Variants in MTAP observed in about 807,000 individuals in gnomAD.
MTAP encodes methylthioadenosine phosphorylase.
In MTAP, 33 loss-of-function variants were observed where a neutral mutation model predicts 33.6. That is an observed-to-expected ratio of 0.98 (90% CI 0.74 to 1.31). The LOEUF is 1.31. Among genes scored for constraint, MTAP ranks in the 40% most tolerant of loss-of-function variants. MTAP has a pLI of 0.00. For synonymous variants in MTAP, 148 were observed against 125.7 expected (o/e 1.18, Z -1.19); for missense variants, 367 against 360.0 (o/e 1.02, Z -0.16).
At chr9:21,829,427 T>C (rs1433446136) in intron 4 of MTAP, among the ~76,000 whole-genome samples, 1 of 148,848 alleles carries the variant, frequency 6.7e-6, no homozygotes, top group East Asian at 2.2e-4. Flanking sequence ...GTTTTTTTTT[T>C]TTGTTTGTTT....
At chr9:21,842,026 A>G (rs376869842) in intron 5 of MTAP, among the ~76,000 whole-genome samples, 53 of 152,338 alleles carry the variant, frequency 3.5e-4, no homozygotes, top group African/African-American at 1.2e-3. Context: ...AGAAATTTTA[A>G]AAAACAATAC....
chr9:21,802,799 A>G lies in MTAP; in HGVS notation c.33+18A>G. Reference sequence around the variant, plus strand: ...CCGTGAAGGTGAGATGAGCCCTCCCAGCCGCAGCGGTTCGCCCTGCCGGAT... The same window carrying G: ...CCGTGAAGGTGAGATGAGCCCTCCCGGCCGCAGCGGTTCGCCCTGCCGGAT... On this transcript the variant is annotated intron_variant, in intron 1 of 7. Transcript: ENST00000644715. 6.2e-7 allele frequency: 1 copy of G among 1,612,626 alleles called. No homozygotes were observed. The highest frequency in any genetic ancestry group is 8.5e-7 in the Non-Finnish European group (1 of 1,179,638).
At chr9:21,856,277 G>A in intron 6 of MTAP, 1 of 628,014 alleles carries the variant, frequency 1.6e-6, no homozygotes, top group Middle Eastern at 8.0e-4. Context: ...TAGAGAGTTT[G>A]TTTTACTATC....
At chr9:21,848,869 C>T (rs1825442976) in intron 5 of MTAP, among the ~76,000 whole-genome samples, 1 of 152,066 alleles carries the variant, frequency 6.6e-6, no homozygotes, top group South Asian at 2.1e-4. Context: ...GGGGCCATGG[C>T]GGCACTCAGC....
At chr9:21,909,858 G>A (rs1818541382) in intron 1 of MTAP, among the ~76,000 whole-genome samples, 1 of 152,198 alleles carries the variant, frequency 6.6e-6, no homozygotes, top group African/African-American at 2.4e-5. Flanking sequence ...TAAAGCTCGG[G>A]ATGTTATGTA....
At chr9:21,852,491 CAG>C (rs1328271189) in intron 5 of MTAP, among the ~76,000 whole-genome samples, 1 of 132,614 alleles carries the variant, frequency 7.5e-6, no homozygotes, top group East Asian at 2.2e-4. Flanking sequence ...GCGTGGGCGA[CAG>C]AGTGAGACTC....
chr9:21,887,285 C>T (rs1818127507), intron 1 of MTAP, among the ~76,000 whole-genome samples: 5 of 151,880 alleles, frequency 3.3e-5, no homozygotes, highest in Non-Finnish European at 1.5e-5. Context: ...TAATAGGCCC[C>T]GATGTGTGAT....
chr9:21,868,432 A>G (rs771051716), downstream of MTAP, among the ~76,000 whole-genome samples: 1 of 152,154 alleles, frequency 6.6e-6, no homozygotes, highest in Non-Finnish European at 1.5e-5. Flanking sequence ...ATATCTAACT[A>G]CTTAGGAGAA....
intron 1 of MTAP, among the ~76,000 whole-genome samples, chr9:21,910,847 G>T (rs562004795): frequency 3.3e-5 from 5 of 151,976 alleles, no homozygotes; most frequent in South Asian, 4.2e-4. Context: ...CTTCAAGTCC[G>T]CATCCCCCAG....
In MTAP at chr9:21,839,683, A is replaced by G. The variant is rs1015063335; in HGVS notation, c.450+1673A>G. Among the ~76,000 whole-genome samples, 5 of 152,220 alleles carry G rather than the reference A, an allele frequency of 3.3e-5. No homozygotes were observed. In the East Asian group the frequency reaches 9.6e-4, roughly 29 times the overall value. On this transcript the variant is annotated intron_variant, in intron 5 of 7. Coordinates refer to ENST00000644715, the MANE Select transcript of MTAP (RefSeq NM_002451.4). The stretch of plus-strand genomic sequence containing the variant: ...TATTATCCAAAAACATGAAGAGTAA[A>G]TAGTGCTGCCACTTGGTAATTTTCA...
At chr9:21,851,229 C>T (rs1468263865) in intron 5 of MTAP, among the ~76,000 whole-genome samples, 1 of 152,136 alleles carries the variant, frequency 6.6e-6, no homozygotes, top group Non-Finnish European at 1.5e-5. Context: ...TTGATAAAGG[C>T]AAAGGGAATA....
At chr9:21,929,160 C>A (rs1282285350) in intron 1 of MTAP, among the ~76,000 whole-genome samples, 1 of 152,032 alleles carries the variant, frequency 6.6e-6, no homozygotes, top group Non-Finnish European at 1.5e-5. Flanking sequence ...TACATCATGC[C>A]TGGGTGAAGT....
In MTAP at chr9:21,862,254, T is replaced by C; in HGVS notation, c.*240T>C. 9.7e-7 allele frequency: 1 copy of C among 1,032,562 alleles called. No individual in the cohort carries two copies. The highest frequency in any genetic ancestry group is 1.3e-6 in the Non-Finnish European group (1 of 797,444). The allele number at this position is 1,032,562 out of a possible 1,614,324, so 64.0% of individuals were successfully genotyped here. A position where few individuals can be genotyped will look rare whatever the true frequency, so the allele number is the denominator to read the frequency against. ...AAACATGTGGGAAAAAATATTACAT[T>C]TTAAGGGGGAAAAAAAAACCCACCA... On this transcript the variant is annotated 3_prime_UTR_variant, in exon 8 of 8. Coordinates refer to ENST00000644715, the MANE Select transcript of MTAP (RefSeq NM_002451.4).
intron 6 of MTAP, among the ~76,000 whole-genome samples, chr9:21,858,454 C>T (rs1825683357): frequency 6.6e-6 from 1 of 152,068 alleles, no homozygotes; most frequent in African/African-American, 2.4e-5. Context: ...TCTGGGGAGG[C>T]CTCAGGAAAC....
intron 1 of MTAP, among the ~76,000 whole-genome samples, chr9:21,909,515 T>G (rs557061039): frequency 6.6e-6 from 1 of 152,256 alleles, no homozygotes; most frequent in Non-Finnish European, 1.5e-5. Context: ...CAAAACCAAC[T>G]ACAAACATGC....
intron 1 of MTAP, among the ~76,000 whole-genome samples, chr9:21,925,749 C>T (rs925119866): frequency 4.0e-5 from 5 of 123,606 alleles, no homozygotes; most frequent in Non-Finnish European, 4.6e-5. Context: ...TGAAAAGGCC[C>T]GCCACTCCAG....
chr9:21,875,960 C>T (rs1826002463), intron 1 of MTAP, among the ~76,000 whole-genome samples: 1 of 152,260 alleles, frequency 6.6e-6, no homozygotes. Flanking sequence ...ACACCGCTTC[C>T]CACAATGGTT....
rs1443099353 is a variant in MTAP at position 21,866,811 on chromosome 9, G to T, written c.*4797G>T. Reference sequence around the variant, plus strand: ...TTTTTAGGTCGATTTGGGAAGAATTGACAATATTGAACCTTTCAATCGATG... The same window carrying T: ...TTTTTAGGTCGATTTGGGAAGAATTTACAATATTGAACCTTTCAATCGATG... On this transcript the variant is annotated 3_prime_UTR_variant, in exon 8 of 8. Transcript: ENST00000644715. 6.6e-6 allele frequency: 1 copy of T among 152,092 alleles called. No individual in the cohort carries two copies. Among genetic ancestry groups the T allele is most frequent in the Non-Finnish European group, 1.5e-5 (1 of 67,994 alleles). The allele number at this position is 152,092 out of a possible 1,614,324, so 9.4% of individuals were successfully genotyped here. A position where few individuals can be genotyped will look rare whatever the true frequency, so the allele number is the denominator to read the frequency against.
chr9:21,867,513 A>T (rs1313814559), downstream of MTAP, among the ~76,000 whole-genome samples: 2 of 152,108 alleles, frequency 1.3e-5, no homozygotes, highest in Non-Finnish European at 2.9e-5. Flanking sequence ...AACCATACTT[A>T]GTCATGATAT....
Sources: gnomAD v4.1 joint callset for allele counts (sites outside exome capture counted in the v4.1 genomes callset) on GRCh38, gnomAD v4.1.1 for gene constraint, MANE v1.5 for transcripts, NCBI Gene and HGNC (gene_info 2026-07-23, HGNC 2026-07-21) for gene names.